The following RAP1GAP2 variants were observed in gnomAD, a reference collection of about 807,000 sequenced individuals.
RAP1GAP2 encodes rap1 GTPase-activating protein 2.
RAP1GAP2 carries 27 observed loss-of-function variants against 95.0 expected under a neutral mutation model. The observed-to-expected ratio is 0.28, with a 90% CI of 0.21 to 0.39. RAP1GAP2 has a LOEUF of 0.39. Ranked by LOEUF, RAP1GAP2 falls within the 10% of genes least tolerant of loss-of-function variation. RAP1GAP2 has a pLI of 1.00. For missense variants in RAP1GAP2, 771 were observed against 970.0 expected (o/e 0.79, Z 2.72); for synonymous variants, 373 against 380.9 (o/e 0.98, Z 0.24).
At position 2,841,303 on chromosome 17, in the gene RAP1GAP2, A is replaced by ATTT. The variant is rs35885315; in HGVS notation, c.80+40769_80+40771dup. 2.8e-3 allele frequency among the ~76,000 whole-genome samples: 351 copies of ATTT among 126,958 alleles called. 19 individuals are homozygous for ATTT. The highest frequency in any genetic ancestry group is 7.3e-3 in the African/African-American group (242 of 33,298). The allele number at this position is 126,958 out of a possible 152,430, so 83.3% of individuals were successfully genotyped here. On this transcript the variant is annotated intron_variant, in intron 2 of 24. Transcript: ENST00000254695. ...AGAAAAGTTACAAGAGATATGGGGA[A>ATTT]TTTTTTTTTTTTTTTTTTGAGACGG...
intron 3 of RAP1GAP2, among the ~76,000 whole-genome samples, chr17:2,930,401 GC>G (rs2043103895): frequency 6.6e-6 from 1 of 152,246 alleles, no homozygotes; most frequent in Non-Finnish European, 1.5e-5. Flanking sequence ...TCCACTGCCA[GC>G]CTCAGTGCTC....
chr17:2,864,191 G>C (rs2072530462), intron 2 of RAP1GAP2, among the ~76,000 whole-genome samples: 1 of 152,192 alleles, frequency 6.6e-6, no homozygotes, highest in Non-Finnish European at 1.5e-5. Flanking sequence ...GTCTGAGGCG[G>C]AGGTGGGGAG....
intron 10 of RAP1GAP2, among the ~76,000 whole-genome samples, chr17:2,983,379 C>G (rs563356797): frequency 6.6e-6 from 1 of 152,274 alleles, no homozygotes; most frequent in African/African-American, 2.4e-5. Context: ...GGACGCTAAA[C>G]ACGTTTCTCA....
intron 1 of RAP1GAP2, among the ~76,000 whole-genome samples, chr17:2,781,640 G>C (rs1374238466): frequency 2.0e-5 from 3 of 147,444 alleles, no homozygotes; most frequent in African/African-American, 7.7e-5. Context: ...GTGTGAGCAC[G>C]TCTCTGTGTG....
chr17:2,948,331 A>G (rs1002921031), intron 3 of RAP1GAP2, among the ~76,000 whole-genome samples: 8 of 152,230 alleles, frequency 5.3e-5, no homozygotes, highest in Non-Finnish European at 1.2e-4. Flanking sequence ...CAGGTAGCTC[A>G]GCAAGGACCC....
intron 3 of RAP1GAP2, among the ~76,000 whole-genome samples, chr17:2,952,809 G>GTT (rs146207427): frequency 0.017 from 2,489 of 148,836 alleles, 66 homozygotes; most frequent in African/African-American, 0.058. Flanking sequence ...ACATTTTTCT[G>GTT]TTTTTTTTTT....
At position 2,866,646 on chromosome 17, in the gene RAP1GAP2, C is replaced by T. The variant is rs2072624868; in HGVS notation, c.81-38638C>T. Among the ~76,000 whole-genome samples, 1 of 152,174 alleles carries T rather than the reference C, an allele frequency of 6.6e-6. No homozygotes were observed. The highest frequency in any genetic ancestry group is 2.4e-5 in the African/African-American group (1 of 41,446). On this transcript the variant is annotated intron_variant, in intron 2 of 24. Transcript: ENST00000254695. The surrounding 1 kb of genome is among the most constrained non-coding windows in gnomAD (Gnocchi z 4.0). ...GGCAGCATCTCCCTCTGTCGCCAGG[C>T]TGGAGTGCAGTGGTGCGATCTCGGC...
At chr17:2,938,779 G>C (rs1051809603) in intron 3 of RAP1GAP2, among the ~76,000 whole-genome samples, 1 of 152,052 alleles carries the variant, frequency 6.6e-6, no homozygotes, top group Non-Finnish European at 1.5e-5. Flanking sequence ...CTGAGGTTAG[G>C]AGTTTGAGAT....
chr17:2,960,217 G>T (rs1020234034), intron 4 of RAP1GAP2, among the ~76,000 whole-genome samples: 4 of 152,190 alleles, frequency 2.6e-5, no homozygotes, highest in Admixed American at 6.5e-5. Context: ...GTGGCTCTGC[G>T]GTAGGTTATT....
chr17:2,777,998 CT>C (rs1366784813), intron 1 of RAP1GAP2, among the ~76,000 whole-genome samples: 1,857 of 121,436 alleles, frequency 0.015, 148 homozygotes, highest in African/African-American at 0.061. Flanking sequence ...GGCGGGGAGG[CT>C]GGGAGGCTGG....
intron 1 of RAP1GAP2, among the ~76,000 whole-genome samples, chr17:2,759,048 C>T (rs2071200019): frequency 1.3e-5 from 2 of 151,852 alleles, no homozygotes; most frequent in South Asian, 4.2e-4. Context: ...CTATATTGTC[C>T]AGGCTGGTCT....
Position 2,877,986 on chromosome 17 carries a change from G to C in RAP1GAP2, c.81-27298G>C, listed in dbSNP as rs149056879. Among the ~76,000 whole-genome samples, 1,266 of 152,162 alleles carry C rather than the reference G, an allele frequency of 8.3e-3. 11 individuals are homozygous for C. Among genetic ancestry groups the C allele is most frequent in the Non-Finnish European group, 0.013 (903 of 68,002 alleles). On this transcript the variant is annotated intron_variant, in intron 2 of 24. Coordinates refer to ENST00000254695, the MANE Select transcript of RAP1GAP2 (RefSeq NM_015085.5). Reference sequence around the variant, plus strand: ...TGGTGGAGGGGGATTGGGGTGCATTGACTGAGCTGAGAGACGTGTAGGAGG... The same window carrying C: ...TGGTGGAGGGGGATTGGGGTGCATTCACTGAGCTGAGAGACGTGTAGGAGG...
At chr17:3,031,458 T>C (rs1038030246) in intron 23 of RAP1GAP2, among the ~76,000 whole-genome samples, 2 of 151,576 alleles carry the variant, frequency 1.3e-5, no homozygotes. Context: ...TATCGAGAGC[T>C]CCAGGTCCAG....
intron 12 of RAP1GAP2, among the ~76,000 whole-genome samples, chr17:2,993,531 C>T (rs1226847789): frequency 1.3e-5 from 2 of 151,192 alleles, no homozygotes; most frequent in Non-Finnish European, 2.9e-5. Flanking sequence ...TGAGATTGTG[C>T]CATTGTACTC....
At chr17:3,028,771 C>T (rs112186436) in intron 22 of RAP1GAP2, among the ~76,000 whole-genome samples, 5,913 of 152,232 alleles carry the variant, frequency 0.039, 339 homozygotes, top group African/African-American at 0.13. Flanking sequence ...GCCTCAGTTT[C>T]CTCATCTGTA....
chr17:2,970,049 G>C (rs886536962), intron 8 of RAP1GAP2, among the ~76,000 whole-genome samples: 1 of 151,804 alleles, frequency 6.6e-6, no homozygotes, highest in African/African-American at 2.4e-5. Flanking sequence ...CAAAGCAGAT[G>C]GCTCACCTGA....
chr17:2,985,637 C>G (rs2045532050), intron 11 of RAP1GAP2, among the ~76,000 whole-genome samples: 1 of 152,176 alleles, frequency 6.6e-6, no homozygotes, highest in African/African-American at 2.4e-5. Flanking sequence ...CACACCACTG[C>G]TCAGCCTCTG....
At chr17:2,885,102 C>T (rs1008666536) in intron 2 of RAP1GAP2, among the ~76,000 whole-genome samples, 18 of 144,100 alleles carry the variant, frequency 1.2e-4, no homozygotes, top group African/African-American at 3.1e-4. Flanking sequence ...GGCACGATCT[C>T]GGCTCACTGC....
intron 3 of RAP1GAP2, among the ~76,000 whole-genome samples, chr17:2,936,060 T>A (rs940616701): frequency 6.6e-6 from 1 of 151,872 alleles, no homozygotes; most frequent in African/African-American, 2.4e-5. Context: ...CGCCATCTCC[T>A]CTCCCTGTCT....
Sources: allele counts gnomAD v4.1 joint callset (sites outside exome capture counted in the v4.1 genomes callset), GRCh38; gene constraint gnomAD v4.1.1; non-coding constraint Gnocchi (gnomAD v3.1); transcripts MANE v1.5; gene names NCBI Gene and HGNC (gene_info 2026-07-23, HGNC 2026-07-21).